ZNF704: variants seen among roughly 807,000 people sequenced by gnomAD.
ZNF704 encodes the protein zinc finger protein 704, also known as glucocorticoid induced gene 1.
ZNF704 carries 10 observed loss-of-function variants against 44.7 expected under a neutral mutation model. That is an observed-to-expected ratio of 0.22 (90% confidence interval 0.14 to 0.38). The LOEUF is 0.38. Ranked by LOEUF, ZNF704 falls within the 10% of genes least tolerant of loss-of-function variation. The pLI is 1.00. For synonymous variants in ZNF704, 211 were observed against 207.6 expected (o/e 1.02, Z -0.14); for missense variants, 390 against 545.5 (o/e 0.71, Z 2.84).
intron 1 of ZNF704, among the ~76,000 whole-genome samples, chr8:80,855,345 T>C (rs1261238266): frequency 7.3e-6 from 1 of 137,042 alleles, no homozygotes; most frequent in Non-Finnish European, 1.7e-5. Context: ...GGTTCTTGTC[T>C]AAAAAATCTT....
At chr8:80,709,442 C>T (rs6983394) in intron 2 of ZNF704, among the ~76,000 whole-genome samples, 1,350 of 15,876 alleles carry the variant, frequency 0.085, 62 homozygotes, top group African/African-American at 0.21. Context: ...GACTCCATCT[C>T]AAAAAAAAAA....
intron 2 of ZNF704, among the ~76,000 whole-genome samples, chr8:80,763,051 C>T (rs894475776): frequency 1.3e-5 from 2 of 152,212 alleles, no homozygotes; most frequent in African/African-American, 2.4e-5. Context: ...GCAGCTCTGC[C>T]CCTGTGGCTT....
At chr8:80,823,490 G>C (rs1353123813) in intron 1 of ZNF704, among the ~76,000 whole-genome samples, 1 of 152,240 alleles carries the variant, frequency 6.6e-6, no homozygotes, top group African/African-American at 2.4e-5. Context: ...CTCCACCTCT[G>C]GGGGTAGGGC....
intron 2 of ZNF704, among the ~76,000 whole-genome samples, chr8:80,797,114 C>T (rs942565194): frequency 5.9e-5 from 9 of 151,808 alleles, no homozygotes; most frequent in Non-Finnish European, 1.2e-4. Flanking sequence ...AGAATAATCT[C>T]CCTTGACTCC....
At chr8:80,850,767 C>A (rs1043894668) in intron 1 of ZNF704, among the ~76,000 whole-genome samples, 1 of 152,130 alleles carries the variant, frequency 6.6e-6, no homozygotes, top group African/African-American at 2.4e-5. Context: ...TACTACAGAA[C>A]TCATAAGGCT....
At chr8:80,863,745 T>C (rs1809107843) in intron 1 of ZNF704, among the ~76,000 whole-genome samples, 1 of 152,220 alleles carries the variant, frequency 6.6e-6, no homozygotes, top group Admixed American at 6.5e-5. Context: ...CATTCACAAG[T>C]GCTTAATCCC....
Position 80,706,568 on chromosome 8 carries a change from G to C in ZNF704, c.222-13461C>G, listed in dbSNP as rs1480424. 5.7e-3 allele frequency among the ~76,000 whole-genome samples: 867 copies of C among 152,314 alleles called. 12 individuals are homozygous for C. The highest frequency in any genetic ancestry group is 0.019 in the African/African-American group (803 of 41,582). ...CCATATTGGGCTCCCCAGGAGCAAG[G>C]GGGGATGTGTCTCCCCTCAGAGAGC... On this transcript the variant is annotated intron_variant, in intron 2 of 8. Transcript: ENST00000327835.
intron 2 of ZNF704, among the ~76,000 whole-genome samples, chr8:80,781,593 T>A (rs769018584): frequency 2.6e-5 from 4 of 152,154 alleles, no homozygotes; most frequent in Non-Finnish European, 5.9e-5. Flanking sequence ...CTGCTTTAAA[T>A]GTTAGGGCTG....
chr8:80,809,698 T>G (rs1342461797), intron 2 of ZNF704, among the ~76,000 whole-genome samples: 1 of 152,228 alleles, frequency 6.6e-6, no homozygotes, highest in African/African-American at 2.4e-5. Flanking sequence ...CTAGTACATT[T>G]ATTTACAACA....
At position 80,628,489 on chromosome 8, in the gene ZNF704, T is replaced by G. The variant is rs961510126; in HGVS notation, c.*12877A>C. ...ACAAAAACTTTTATTAAGTGGAAGTTAGACTTACTTCATGGTAATTAACCA... is the reference window on the plus strand; with the variant it reads ...ACAAAAACTTTTATTAAGTGGAAGTGAGACTTACTTCATGGTAATTAACCA... On this transcript the variant is annotated 3_prime_UTR_variant, in exon 9 of 9. Transcript: ENST00000327835. 1 of 152,210 alleles carries G rather than the reference T, an allele frequency of 6.6e-6. No individual in the cohort carries two copies. Among genetic ancestry groups the G allele is most frequent in the Non-Finnish European group, 1.5e-5 (1 of 68,040 alleles). 9.4% of individuals were successfully genotyped at this position (152,210 alleles called of 1,614,324 possible).
chr8:80,659,680 G>C lies in ZNF704; in HGVS notation c.937C>G (p.Pro313Ala). 3 of 1,613,602 alleles carry C rather than the reference G, an allele frequency of 1.9e-6. No homozygotes were observed. The highest frequency in any genetic ancestry group is 1.7e-6 in the Non-Finnish European group (2 of 1,179,614). ...TTGGCCGATCCTGGAATGGTCACAG[G>C]GGGTGTGGCCTGTCAAATAAAAAAC... ...HTDHAYQATP[P>A]VTIPGSAKFT... The change falls in exon 7 of 9, where the codon CCT becomes GCT. Residue 313 changes from proline (P) to alanine (A), a missense_variant. Coordinates refer to ENST00000327835, the MANE Select transcript of ZNF704 (RefSeq NM_001033723.3).
intron 1 of ZNF704, among the ~76,000 whole-genome samples, chr8:80,841,727 T>A (rs950049428): frequency 6.6e-6 from 1 of 152,192 alleles, no homozygotes; most frequent in Admixed American, 6.5e-5. Flanking sequence ...CTAGCAGAGA[T>A]ACATATCAAA....
chr8:80,649,905 G>T (rs906413742), intron 7 of ZNF704, among the ~76,000 whole-genome samples: 3 of 152,180 alleles, frequency 2.0e-5, no homozygotes, highest in African/African-American at 7.2e-5. Context: ...TAACTGGGAG[G>T]CATCCCCCAG....
chr8:80,676,761 G>T (rs1178078246), intron 4 of ZNF704, among the ~76,000 whole-genome samples: 1 of 152,218 alleles, frequency 6.6e-6, no homozygotes, highest in Non-Finnish European at 1.5e-5. Flanking sequence ...GATGGCACAG[G>T]TCGGGATGAA....
At chr8:80,834,694 C>T (rs1808529092) in intron 1 of ZNF704, among the ~76,000 whole-genome samples, 1 of 152,154 alleles carries the variant, frequency 6.6e-6, no homozygotes, top group South Asian at 2.1e-4. Flanking sequence ...CCACCACCTG[C>T]CCTGACAGGC....
intron 2 of ZNF704, among the ~76,000 whole-genome samples, chr8:80,734,637 C>T (rs960505227): frequency 2.0e-5 from 3 of 152,142 alleles, no homozygotes; most frequent in African/African-American, 7.2e-5. Context: ...TGTTGAAATA[C>T]AGTTTGAGTT....
chr8:80,659,480 C>T (rs1253491602), intron 7 of ZNF704, 105 bp downstream of exon 7: 2 of 864,734 alleles, frequency 2.3e-6, no homozygotes, highest in Non-Finnish European at 3.9e-6. Flanking sequence ...GTACTTCTGG[C>T]ATTCTGATGT....
At chr8:80,773,342 C>A (rs1239009354) in intron 2 of ZNF704, among the ~76,000 whole-genome samples, 2 of 151,870 alleles carry the variant, frequency 1.3e-5, no homozygotes, top group Non-Finnish European at 2.9e-5. Context: ...CATAACTTGT[C>A]ACAGTCTACT....
chr8:80,708,757 C>T (rs1002648712), intron 2 of ZNF704, among the ~76,000 whole-genome samples: 2 of 152,100 alleles, frequency 1.3e-5, no homozygotes, highest in African/African-American at 2.4e-5. Flanking sequence ...TCCAGTTCTA[C>T]ACTATTATGA....
Sources: allele counts gnomAD v4.1 joint callset (sites outside exome capture counted in the v4.1 genomes callset), GRCh38; gene constraint gnomAD v4.1.1; transcripts MANE v1.5; gene names NCBI Gene and HGNC (gene_info 2026-07-23, HGNC 2026-07-21).